Variants in CREB5 observed in about 807,000 individuals in gnomAD.
The protein encoded by CREB5 is cAMP responsive element binding protein 5.
A neutral mutation model predicts 57.1 loss-of-function variants in CREB5; 19 were observed. That is an observed-to-expected ratio of 0.33 (90% confidence interval 0.23 to 0.49). The LOEUF (loss-of-function observed/expected upper bound fraction) is 0.49, where lower values mean the gene tolerates loss of function less well. CREB5 is among the 20% of genes least tolerant of loss of function. The pLI, the probability that CREB5 is intolerant of heterozygous loss-of-function variation, is 0.99. For synonymous variants in CREB5, 238 were observed against 238.3 expected (o/e 1.00, Z 0.01); for missense variants, 579 against 671.6 (o/e 0.86, Z 1.52).
chr7:28,604,090 G>C (rs1361789110), intron 5 of CREB5, among the ~76,000 whole-genome samples: 1 of 152,186 alleles, frequency 6.6e-6, no homozygotes, highest in African/African-American at 2.4e-5. Context: ...AGGTAAGACA[G>C]GATTTCTTTT....
At chr7:28,538,343 C>A (rs1195884351) in intron 4 of CREB5, among the ~76,000 whole-genome samples, 1 of 152,170 alleles carries the variant, frequency 6.6e-6, no homozygotes, top group Non-Finnish European at 1.5e-5. Flanking sequence ...CGTGAGCCAC[C>A]GTGCCTGGCC....
intron 4 of CREB5, among the ~76,000 whole-genome samples, chr7:28,559,271 G>GAT (rs765342771): frequency 6.6e-6 from 1 of 152,164 alleles, no homozygotes; most frequent in Non-Finnish European, 1.5e-5. Flanking sequence ...TCTGCGTGTT[G>GAT]ATATGACTTA....
At chr7:28,628,251 A>G (rs923251397) in intron 5 of CREB5, among the ~76,000 whole-genome samples, 5 of 151,926 alleles carry the variant, frequency 3.3e-5, no homozygotes, top group Non-Finnish European at 5.9e-5. Context: ...TGTGGTCTAC[A>G]TTTGTAGCAC....
intron 1 of CREB5, among the ~76,000 whole-genome samples, chr7:28,372,248 C>T (rs1418574036): frequency 6.6e-6 from 1 of 152,176 alleles, no homozygotes; most frequent in African/African-American, 2.4e-5. Flanking sequence ...TAGTAAAATG[C>T]AGCAAGTAAT....
At chr7:28,607,289 T>C (rs1385074317) in intron 5 of CREB5, among the ~76,000 whole-genome samples, 1 of 151,530 alleles carries the variant, frequency 6.6e-6, no homozygotes, top group Non-Finnish European at 1.5e-5. Flanking sequence ...CCGAGAAATG[T>C]GTACAATGTG....
chr7:28,334,314 C>T (rs1033367027), intron 1 of CREB5, among the ~76,000 whole-genome samples: 4 of 152,012 alleles, frequency 2.6e-5, no homozygotes, highest in South Asian at 2.1e-4. Context: ...TACCACCATG[C>T]CTGGCTAATT....
intron 7 of CREB5, among the ~76,000 whole-genome samples, chr7:28,787,317 TTTC>T (rs1487428991): frequency 6.6e-6 from 1 of 152,184 alleles, no homozygotes; most frequent in Admixed American, 6.5e-5. Flanking sequence ...TTCCTCCTTG[TTTC>T]TTATTTAGTA....
chr7:28,511,777 T>C (rs1792710896), intron 4 of CREB5, among the ~76,000 whole-genome samples: 1 of 152,240 alleles, frequency 6.6e-6, no homozygotes, highest in Non-Finnish European at 1.5e-5. Context: ...TGAGCCACTG[T>C]GCCCAGCCAG....
intron 1 of CREB5, among the ~76,000 whole-genome samples, chr7:28,352,232 A>C (rs889438976): frequency 2.0e-5 from 3 of 152,354 alleles, no homozygotes; most frequent in Non-Finnish European, 2.9e-5. Context: ...TTTATCCTCC[A>C]TAATGATCTG....
At chr7:28,468,224 G>T (rs2128580552) in intron 1 of CREB5, among the ~76,000 whole-genome samples, 1 of 152,314 alleles carries the variant, frequency 6.6e-6, no homozygotes, top group East Asian at 1.9e-4. Flanking sequence ...GCTTCCAAGG[G>T]CCAGCACCAG....
intron 1 of CREB5, among the ~76,000 whole-genome samples, chr7:28,358,164 A>G (rs1288487869): frequency 6.6e-6 from 1 of 152,204 alleles, no homozygotes; most frequent in Non-Finnish European, 1.5e-5. Context: ...GGTCAAGGTC[A>G]TGTCCTCTGA....
intron 7 of CREB5, among the ~76,000 whole-genome samples, chr7:28,730,308 G>A (rs1052272400): frequency 3.3e-5 from 5 of 151,942 alleles, no homozygotes; most frequent in Non-Finnish European, 7.4e-5. Flanking sequence ...GTACTAGGTG[G>A]TGCAGCTAGT....
At chr7:28,768,243 ACT>A (rs1334823261) in intron 7 of CREB5, among the ~76,000 whole-genome samples, 2 of 151,800 alleles carry the variant, frequency 1.3e-5, no homozygotes, top group Non-Finnish European at 2.9e-5. Flanking sequence ...GAAGAAAAAG[ACT>A]CTTGTGGAAA....
intron 1 of CREB5, among the ~76,000 whole-genome samples, chr7:28,371,534 T>TG (rs963926766): frequency 2.5e-4 from 34 of 133,894 alleles, no homozygotes; most frequent in Admixed American, 8.5e-4. Flanking sequence ...AATTGGGAGG[T>TG]GGGGAGGCCA....
At chr7:28,674,220 G>C (rs997091536) in intron 5 of CREB5, among the ~76,000 whole-genome samples, 1 of 152,208 alleles carries the variant, frequency 6.6e-6, no homozygotes, top group East Asian at 1.9e-4. Flanking sequence ...GAAAGGGATG[G>C]AGCGTTTGCA....
intron 1 of CREB5, among the ~76,000 whole-genome samples, chr7:28,309,011 C>T (rs972702977): frequency 1.3e-5 from 2 of 152,088 alleles, no homozygotes; most frequent in African/African-American, 4.8e-5. Flanking sequence ...CCAACTATCC[C>T]CCCAGCAAAA....
chr7:28,630,195 T>C (rs947962062), intron 5 of CREB5, among the ~76,000 whole-genome samples: 1 of 152,248 alleles, frequency 6.6e-6, no homozygotes, highest in East Asian at 1.9e-4. Flanking sequence ...GTTCTGCTAA[T>C]TTGACTAAGC....
At chr7:28,509,862 G>A (rs549449272) in intron 4 of CREB5, among the ~76,000 whole-genome samples, 58 of 152,304 alleles carry the variant, frequency 3.8e-4, no homozygotes, top group South Asian at 3.7e-3. Flanking sequence ...AGCATCTCAG[G>A]ACACCGCCGT....
At position 28,650,585 on chromosome 7, in the gene CREB5, A is replaced by G. The variant is rs549741225; in HGVS notation, c.465-68168A>G. ...ACACCAGGCTACTAAGAATTAGCCT[A>G]GTGCTTCCCCCCCCAACCTTCCATA... On this transcript the variant is annotated intron_variant, in intron 5 of 10. Transcript: ENST00000357727. 7.2e-5 allele frequency among the ~76,000 whole-genome samples: 11 copies of G among 152,010 alleles called. No individual in the cohort carries two copies. The South Asian group carries it at 2.3e-3, about 32-fold the overall frequency.
Sources: gnomAD v4.1 joint callset for allele counts (sites outside exome capture counted in the v4.1 genomes callset) on GRCh38, gnomAD v4.1.1 for gene constraint, MANE v1.5 for transcripts, NCBI Gene and HGNC (gene_info 2026-07-23, HGNC 2026-07-21) for gene names.